The following PAM variants were observed in gnomAD, a reference collection of about 807,000 sequenced individuals.
The protein encoded by PAM is peptidyl-glycine alpha-amidating monooxygenase.
A neutral mutation model predicts 122.1 loss-of-function variants in PAM; 72 were observed. That is an observed-to-expected ratio of 0.59 (90% CI 0.49 to 0.72). The LOEUF is 0.72. PAM is among the 30% of genes least tolerant of loss of function. The pLI, the probability that PAM is intolerant of heterozygous loss-of-function variation, is 0.00. For synonymous variants in PAM, 389 were observed against 404.4 expected (o/e 0.96, Z 0.46); for missense variants, 1,106 against 1,183.7 (o/e 0.93, Z 0.96).
At chr5:102,868,506 G>T (rs990493944) in intron 3 of PAM, among the ~76,000 whole-genome samples, 3 of 152,136 alleles carry the variant, frequency 2.0e-5, no homozygotes, top group Non-Finnish European at 4.4e-5. Context: ...CATGCATTCA[G>T]TTGTTACTGT....
At chr5:102,788,412 G>A (rs1032020680) in intron 1 of PAM, among the ~76,000 whole-genome samples, 3 of 149,674 alleles carry the variant, frequency 2.0e-5, no homozygotes, top group South Asian at 2.3e-4. Context: ...GTTATGGAAT[G>A]TATGCAAGAC....
chr5:102,830,801 G>A (rs1775214129), intron 1 of PAM, among the ~76,000 whole-genome samples: 1 of 152,170 alleles, frequency 6.6e-6, no homozygotes, highest in African/African-American at 2.4e-5. Context: ...TAAGAATTCT[G>A]TACTTGGCAA....
At chr5:102,985,129 T>A (rs951357942) in intron 15 of PAM, among the ~76,000 whole-genome samples, 4 of 149,576 alleles carry the variant, frequency 2.7e-5, no homozygotes, top group Non-Finnish European at 4.5e-5. Flanking sequence ...CATCAAAGAG[T>A]AGAAGGATGT....
At chr5:102,961,320 C>T (rs1762424742) in intron 14 of PAM, 91 bp downstream of exon 14, 1 of 724,136 alleles carries the variant, frequency 1.4e-6, no homozygotes, top group African/African-American at 1.8e-5. Context: ...TATTGTATGT[C>T]TCTCTGTATC....
intron 1 of PAM, among the ~76,000 whole-genome samples, chr5:102,832,664 A>G (rs1775807043): frequency 6.6e-6 from 1 of 152,172 alleles, no homozygotes. Flanking sequence ...GTGAAACCTC[A>G]GAAAAGCAGG....
chr5:103,021,356 G>C (rs1170228297), intron 23 of PAM, among the ~76,000 whole-genome samples: 1 of 152,108 alleles, frequency 6.6e-6, no homozygotes, highest in Non-Finnish European at 1.5e-5. Flanking sequence ...GAAACCTCTA[G>C]AATTTTAAAA....
intron 3 of PAM, chr5:102,873,611 G>C (rs1036007129): frequency 4.6e-5 from 7 of 152,244 alleles, no homozygotes; most frequent in African/African-American, 1.7e-4. Context: ...CATAGCAAAT[G>C]AGGGTTACTT....
intron 1 of PAM, among the ~76,000 whole-genome samples, chr5:102,790,867 T>G (rs1761880868): frequency 1.3e-5 from 2 of 152,246 alleles, no homozygotes; most frequent in Non-Finnish European, 2.9e-5. Context: ...ACAATATTTT[T>G]AAATTACCCA....
chr5:102,856,510 C>T (rs950975469), intron 1 of PAM, among the ~76,000 whole-genome samples: 3 of 152,102 alleles, frequency 2.0e-5, no homozygotes, highest in African/African-American at 7.2e-5. Context: ...TTTTATTTTA[C>T]AGTAAAATAT....
chr5:102,909,886 C>T (rs1369949992), intron 4 of PAM, among the ~76,000 whole-genome samples: 1 of 151,910 alleles, frequency 6.6e-6, no homozygotes. Flanking sequence ...CAGATCCAAA[C>T]TTGCAAGTCG....
chr5:102,930,269 G>A (rs1312291509), intron 7 of PAM, among the ~76,000 whole-genome samples: 1 of 152,134 alleles, frequency 6.6e-6, no homozygotes, highest in Non-Finnish European at 1.5e-5. Flanking sequence ...AAGCACAAAA[G>A]GAGTGTGTTT....
In PAM at chr5:102,946,333, A is replaced by C. The variant is rs141747163; in HGVS notation, c.527-504A>C. On this transcript the variant is annotated intron_variant, in intron 7 of 25. Transcript: ENST00000438793. ...GAAAGCTGTACTGGAAGAAATTTAA[A>C]GTCTCTACAATAATAAAATTCTATT... Among the ~76,000 whole-genome samples, 458 of 152,212 alleles carry C rather than the reference A, an allele frequency of 3.0e-3. 1 individual carries two copies. Among genetic ancestry groups the C allele is most frequent in the African/African-American group, 0.01 (435 of 41,528 alleles).
intron 1 of PAM, among the ~76,000 whole-genome samples, chr5:102,774,461 G>A (rs1756629883): frequency 1.3e-5 from 2 of 152,028 alleles, no homozygotes; most frequent in Admixed American, 1.3e-4. Flanking sequence ...TTTTTCATAT[G>A]GAAAATAGCA....
chr5:102,886,415 A>G (rs1034801189), intron 3 of PAM, among the ~76,000 whole-genome samples: 3 of 152,012 alleles, frequency 2.0e-5, no homozygotes, highest in African/African-American at 7.2e-5. Context: ...TGAAATGTTA[A>G]CAAGACTGAA....
chr5:102,827,507 C>A (rs1366407995), intron 1 of PAM, among the ~76,000 whole-genome samples: 1 of 152,020 alleles, frequency 6.6e-6, no homozygotes, highest in Non-Finnish European at 1.5e-5. Context: ...CCTCATAATA[C>A]AAATGATTAT....
Position 102,948,401 on chromosome 5 carries a change from A to C in PAM, c.599A>C (p.Tyr200Ser). 1 of 1,593,348 alleles carries C rather than the reference A, an allele frequency of 6.3e-7. No individual in the cohort carries two copies. The highest frequency in any genetic ancestry group is 8.6e-7 in the Non-Finnish European group (1 of 1,163,498). The change falls in exon 9 of 26, where the codon TAC becomes TCC. Residue 200 changes from tyrosine (Y) to serine (S), a missense_variant. Around this residue, in one of 3 missense-constraint regions of PAM, gnomAD observed 670 missense variants for 690.3 expected, o/e 0.97. Transcript: ENST00000438793. The stretch of plus-strand genomic sequence containing the variant: ...AGACAGCCTTTAATTGCTGGCATGT[A>C]CCTTATGATGTCTGTTGACACTGTT... ...RLPQPLIAGM[Y>S]LMMSVDTVIP...
intron 7 of PAM, among the ~76,000 whole-genome samples, chr5:102,927,451 A>G (rs993132428): frequency 3.9e-5 from 6 of 152,126 alleles, no homozygotes; most frequent in African/African-American, 1.4e-4. Flanking sequence ...TGACTTATAT[A>G]TATTCTCCTG....
intron 1 of PAM, among the ~76,000 whole-genome samples, chr5:102,816,765 T>G (rs573300854): frequency 3.6e-4 from 55 of 152,148 alleles, no homozygotes; most frequent in Non-Finnish European, 6.3e-4. Context: ...TACTTTCTTC[T>G]CTATTAAAAC....
At chr5:102,966,723 C>T (rs1391791713) in intron 14 of PAM, among the ~76,000 whole-genome samples, 1 of 152,052 alleles carries the variant, frequency 6.6e-6, no homozygotes, top group Non-Finnish European at 1.5e-5. Context: ...AGTTATGTTC[C>T]ATGGCTCTAA....
Sources: gnomAD v4.1 joint callset for allele counts (sites outside exome capture counted in the v4.1 genomes callset) on GRCh38, gnomAD v4.1.1 for gene constraint, gnomAD v4.1.1 regional missense constraint, MANE v1.5 for transcripts, NCBI Gene and HGNC (gene_info 2026-07-23, HGNC 2026-07-21) for gene names.